The following SPATA2 variants were observed in gnomAD, a reference collection of about 807,000 sequenced individuals.
The protein encoded by SPATA2 is spermatogenesis-associated protein 2.
Under a neutral mutation model 35.4 loss-of-function variants are expected in SPATA2, and 8 were observed. The ratio of observed to expected loss-of-function variants is 0.23; its 90% CI spans 0.13 to 0.41. SPATA2 has a LOEUF of 0.41. Ranked by LOEUF, SPATA2 falls within the 10% of genes least tolerant of loss-of-function variation. SPATA2 has a pLI of 1.00. For missense variants in SPATA2, 650 were observed against 698.7 expected (o/e 0.93, Z 0.79); for synonymous variants, 293 against 300.9 (o/e 0.97, Z 0.27).
intron 1 of SPATA2, among the ~76,000 whole-genome samples, chr20:49,912,200 T>C (rs1385100799): frequency 6.6e-6 from 1 of 152,208 alleles, no homozygotes; most frequent in African/African-American, 2.4e-5. Flanking sequence ...ACGCCTGTAA[T>C]CCTACAACTC....
chr20:49,913,938 GGTTACAGGAGACC>G (rs1247982867), intron 1 of SPATA2, among the ~76,000 whole-genome samples: 1 of 151,784 alleles, frequency 6.6e-6, no homozygotes, highest in Non-Finnish European at 1.5e-5. Flanking sequence ...AAAACATCGT[GGTTACAGGAGACC>G]GAGACAGCCC....
intron 1 of SPATA2, among the ~76,000 whole-genome samples, chr20:49,908,824 C>T (rs781253528): frequency 1.3e-5 from 2 of 152,132 alleles, no homozygotes; most frequent in Non-Finnish European, 2.9e-5. Context: ...AAGAGAAATT[C>T]GGGTGAGTAC....
chr20:49,906,985 C>T lies in SPATA2; in HGVS notation c.337-140G>A. The stretch of plus-strand genomic sequence containing the variant: ...GGGCAGGGAAGGATCTCGACAGCCT[C>T]ACCCTGCGGGAGGCAGAAGACGCAG... On this transcript the variant is annotated intron_variant, in intron 2 of 2. Transcript: ENST00000289431. The surrounding 1 kb of genome is among the most constrained non-coding windows in gnomAD (Gnocchi z 8.2). 1 of 906,538 alleles carries T rather than the reference C, an allele frequency of 1.1e-6. No individual in the cohort carries two copies. Among genetic ancestry groups the T allele is most frequent in the Admixed American group, 2.9e-5 (1 of 34,646 alleles). The allele number at this position is 906,538 out of a possible 1,614,324, so 56.2% of individuals were successfully genotyped here.
At position 49,906,791 on chromosome 20, in the gene SPATA2, T is replaced by G; in HGVS notation, c.391A>C (p.Ile131Leu). 6.2e-7 allele frequency: 1 copy of G among 1,613,692 alleles called. No homozygotes were observed. Among genetic ancestry groups the G allele is most frequent in the Non-Finnish European group, 8.5e-7 (1 of 1,179,616 alleles). Residue 131 changes from isoleucine to leucine, a missense_variant, in exon 3 of 3, where the codon ATC becomes CTC. Transcript: ENST00000289431. This position sits in a 1 kb window ranked among gnomAD's most constrained non-coding sequence, Gnocchi z 8.2. ...YVKSTLLEED[I>L]RAILSCMGYT... ...CCCATGCAGCTCAGGATGGCTCGGA[T>G]GTCCTCTTCCAGTAATGTCGACTTG...
intron 2 of SPATA2, among the ~76,000 whole-genome samples, chr20:49,907,427 A>G (rs1404581150): frequency 6.6e-6 from 1 of 152,200 alleles, no homozygotes; most frequent in Non-Finnish European, 1.5e-5. Context: ...ACTCTACTCC[A>G]TATGAAGAGA....
At position 49,906,997 on chromosome 20, in the gene SPATA2, G is replaced by A; in HGVS notation, c.337-152C>T. ...ATCTCGACAGCCTCACCCTGCGGGA[G>A]GCAGAAGACGCAGGAGCTGGGGCTT... On this transcript the variant is annotated intron_variant, in intron 2 of 2. Transcript: ENST00000289431. This position sits in a 1 kb window ranked among gnomAD's most constrained non-coding sequence, Gnocchi z 8.2. 1.3e-6 allele frequency: 1 copy of A among 790,204 alleles called. No homozygotes were observed. Among genetic ancestry groups the A allele is most frequent in the Non-Finnish European group, 2.0e-6 (1 of 502,664 alleles). 48.9% of individuals were successfully genotyped at this position (790,204 alleles called of 1,614,324 possible).
rs1447748971 is a variant in SPATA2 at position 49,903,938 on chromosome 20, T to A, written c.*1681A>T. On this transcript the variant is annotated 3_prime_UTR_variant, in exon 3 of 3. Transcript: ENST00000289431. The stretch of plus-strand genomic sequence containing the variant: ...ATATATATATATATATATATATATA[T>A]ATATATATATATATTAAAAAGAGAG... 2 of 60,268 alleles carry A rather than the reference T, an allele frequency of 3.3e-5. No homozygotes were observed. Among genetic ancestry groups the A allele is most frequent in the Non-Finnish European group, 3.5e-5 (1 of 28,468 alleles). 3.7% of individuals were successfully genotyped at this position (60,268 alleles called of 1,614,324 possible). A position where few individuals can be genotyped will look rare whatever the true frequency, so the allele number is the denominator to read the frequency against.
At chr20:49,913,073 C>T (rs993606218) in intron 1 of SPATA2, among the ~76,000 whole-genome samples, 2 of 152,088 alleles carry the variant, frequency 1.3e-5, no homozygotes, top group African/African-American at 4.8e-5. Context: ...GGCACCACTG[C>T]ACTCCGGCCT....
chr20:49,910,740 T>C (rs576615801), intron 1 of SPATA2, among the ~76,000 whole-genome samples: 1 of 152,328 alleles, frequency 6.6e-6, no homozygotes, highest in East Asian at 1.9e-4. Context: ...GCCAGTAGTC[T>C]GGCTCCTCCA....
chr20:49,906,453 G>A lies in SPATA2; in HGVS notation c.729C>T (p.Tyr243=), dbSNP rs764777036. ...TCGAGGGCTTGGTCACGCGGGGCTT[G>A]TAGTAGTCCTTGGCCGCCCGCTCGC... ...SASERAAKDY[Y]KPRVTKPSRS... The change falls in exon 3 of 3, where the codon TAC becomes TAT. Residue 243 remains tyrosine (Y), a synonymous_variant. Coordinates refer to ENST00000289431, the MANE Select transcript of SPATA2 (RefSeq NM_006038.4). This position sits in a 1 kb window ranked among gnomAD's most constrained non-coding sequence, Gnocchi z 8.2. 8 of 1,611,704 alleles carry A rather than the reference G, an allele frequency of 5.0e-6. No homozygotes were observed. In the East Asian group the frequency reaches 6.7e-5, roughly 13 times the overall value.
At chr20:49,907,248 A>G (rs915513140) in intron 2 of SPATA2, among the ~76,000 whole-genome samples, 19 of 152,190 alleles carry the variant, frequency 1.2e-4, no homozygotes, top group African/African-American at 4.6e-4. Flanking sequence ...TTTAGTAGAG[A>G]TGGGGTTTCA....
At chr20:49,907,070 C>G (rs1183710557) in intron 2 of SPATA2, among the ~76,000 whole-genome samples, 1 of 152,186 alleles carries the variant, frequency 6.6e-6, no homozygotes, top group East Asian at 1.9e-4. Context: ...CAGCTCCTTT[C>G]TTTTGTTTGA....
Position 49,908,534 on chromosome 20 carries a change from T to C in SPATA2, c.-44A>G. On this transcript the variant is annotated 5_prime_UTR_variant, in exon 2 of 3. Coordinates refer to ENST00000289431, the MANE Select transcript of SPATA2 (RefSeq NM_006038.4). ...CTTATCTCCTCCATGGCTTCTGGAT[T>C]AGAGGCAGGGACATCACTAAAAGCA... is the stretch of plus-strand genomic sequence containing the variant. The C allele has an allele frequency of 6.7e-7, 1 of 1,493,520 alleles. No homozygotes were observed. Among genetic ancestry groups the C allele is most frequent in the Non-Finnish European group, 9.1e-7 (1 of 1,095,066 alleles). The allele number at this position is 1,493,520 out of a possible 1,614,324, so 92.5% of individuals were successfully genotyped here. A position where few individuals can be genotyped will look rare whatever the true frequency, so the allele number is the denominator to read the frequency against.
chr20:49,910,266 G>C (rs1211338856), intron 1 of SPATA2, among the ~76,000 whole-genome samples: 1 of 152,194 alleles, frequency 6.6e-6, no homozygotes, highest in African/African-American at 2.4e-5. Flanking sequence ...CTCCCTGGGT[G>C]TCGGTTTTCT....
rs2090143303 is a variant in SPATA2 at position 49,906,281 on chromosome 20, T to A, written c.901A>T (p.Met301Leu). Residue 301 changes from methionine (M) to leucine (L), a missense_variant, in exon 3 of 3, where the codon ATG becomes TTG. Met to Leu is a conservative substitution (Grantham distance 15, BLOSUM62 2). Transcript: ENST00000289431. This position sits in a 1 kb window ranked among gnomAD's most constrained non-coding sequence, Gnocchi z 8.2. The part of the protein sequence containing the change: ...IIRPSPSLLT[M>L]ASSPHGSPDV... ...GGGCTGCCGTGGGGGGAGCTGGCCA[T>A]GGTCAGCAGCGAAGGGGATGGGCGG... 6.4e-7 allele frequency: 1 copy of A among 1,574,506 alleles called. No homozygotes were observed. Among genetic ancestry groups the A allele is most frequent in the Non-Finnish European group, 8.6e-7 (1 of 1,158,872 alleles).
chr20:49,905,543 G>A lies in SPATA2; in HGVS notation c.*76C>T, dbSNP rs2090135155. On this transcript the variant is annotated 3_prime_UTR_variant, in exon 3 of 3. Coordinates refer to ENST00000289431, the MANE Select transcript of SPATA2 (RefSeq NM_006038.4). ...GCAGGCCTCCGCCTCTGAGATCAAT[G>A]CGTTAGTACTTCTTCACCGTGAAAC... is the stretch of plus-strand genomic sequence containing the variant. 2.6e-6 allele frequency: 4 copies of A among 1,519,706 alleles called. No individual in the cohort carries two copies. Among genetic ancestry groups the A allele is most frequent in the Non-Finnish European group, 3.6e-6 (4 of 1,112,800 alleles). The allele number at this position is 1,519,706 out of a possible 1,614,324, so 94.1% of individuals were successfully genotyped here. A position where few individuals can be genotyped will look rare whatever the true frequency, so the allele number is the denominator to read the frequency against.
rs371987288 is a variant in SPATA2, at chr20:49,911,998, G to A, written c.-103+3382C>T. Among the ~76,000 whole-genome samples, 30 of 152,300 alleles carry A rather than the reference G, an allele frequency of 2.0e-4. 1 individual carries two copies. The highest frequency in any genetic ancestry group is 6.7e-4 in the African/African-American group (28 of 41,576). ...GAGCTGGACCCAGTCGGGGAATGGGGATGGGTGGGACAGGTAGAGGACAGC... is the reference window on the plus strand; with the variant it reads ...GAGCTGGACCCAGTCGGGGAATGGGAATGGGTGGGACAGGTAGAGGACAGC... On this transcript the variant is annotated intron_variant, in intron 1 of 2. Transcript: ENST00000289431.
chr20:49,910,279 T>C (rs1028821994), intron 1 of SPATA2, among the ~76,000 whole-genome samples: 1 of 152,174 alleles, frequency 6.6e-6, no homozygotes, highest in African/African-American at 2.4e-5. Flanking sequence ...GGTTTTCTCC[T>C]ATAAAACGGG....
rs2146829484 is a variant in SPATA2 at position 49,906,635 on chromosome 20, C to T, written c.547G>A (p.Val183Met). Residue 183 changes from valine to methionine, a missense_variant, in exon 3 of 3, where the codon GTG (valine) becomes ATG (methionine). Val to Met is a conservative substitution (Grantham distance 21, BLOSUM62 1). Coordinates refer to ENST00000289431, the MANE Select transcript of SPATA2 (RefSeq NM_006038.4). This position sits in a 1 kb window ranked among gnomAD's most constrained non-coding sequence, Gnocchi z 8.2. ...CEQMLEIHSQ[V>M]KDKGYSELDI... ...AGCTCGGAGTAGCCCTTGTCCTTCA[C>T]TTGTGAGTGGATTTCTAGCATCTGC... The T allele has an allele frequency of 6.2e-7, 1 of 1,614,244 alleles. No individual in the cohort carries two copies. Among genetic ancestry groups the T allele is most frequent in the South Asian group, 1.1e-5 (1 of 91,092 alleles).
Sources: gnomAD v4.1 joint callset for allele counts (sites outside exome capture counted in the v4.1 genomes callset) on GRCh38, gnomAD v4.1.1 for gene constraint, Gnocchi (gnomAD v3.1) non-coding constraint, MANE v1.5 for transcripts, NCBI Gene and HGNC (gene_info 2026-07-23, HGNC 2026-07-21) for gene names.